The following COQ8B variants were observed in gnomAD, a reference collection of about 807,000 sequenced individuals.
The protein encoded by COQ8B is atypical kinase COQ8B, mitochondrial.
COQ8B carries 44 observed loss-of-function variants against 62.0 expected under a neutral mutation model. The ratio of observed to expected loss-of-function variants is 0.71; its 90% CI spans 0.56 to 0.91. The LOEUF is 0.91. Ranked by LOEUF, COQ8B falls within the 40% of genes least tolerant of loss-of-function variation. The pLI, the probability that COQ8B is intolerant of heterozygous loss-of-function variation, is 0.00. For missense variants in COQ8B, 649 were observed against 731.6 expected (o/e 0.89, Z 1.30); for synonymous variants, 252 against 289.9 (o/e 0.87, Z 1.33).
chr19:40,695,797 G>C (rs1309582137), intron 13 of COQ8B, among the ~76,000 whole-genome samples, 192 bp downstream of exon 13: 1 of 152,172 alleles, frequency 6.6e-6, no homozygotes, highest in Non-Finnish European at 1.5e-5. Flanking sequence ...GGTTTATATC[G>C]GTTCCTATAC....
At chr19:40,698,103 C>G (rs1335339667) in intron 12 of COQ8B, among the ~76,000 whole-genome samples, 1 of 150,906 alleles carries the variant, frequency 6.6e-6, no homozygotes, top group East Asian at 2.0e-4. Context: ...GTAATCCCAG[C>G]TACTTGGGAG....
chr19:40,692,869 G>A (rs971989066), intron 14 of COQ8B, 82 bp downstream of exon 14: 14 of 1,243,860 alleles, frequency 1.1e-5, no homozygotes, highest in Middle Eastern at 1.9e-4. Context: ...TCACCTACTC[G>A]AGTTCCTCAG....
Position 40,703,563 on chromosome 19 carries a change from C to A in COQ8B, c.777G>T (p.Lys259Asn). The change falls in exon 9 of 15, where the codon AAG (lysine) becomes AAT (asparagine). Residue 259 changes from lysine (K) to asparagine (N), a missense_variant. Transcript: ENST00000324464. ...SDVQNLLAVLKMSAALPAGLF... is the reference protein window; with the variant it reads ...SDVQNLLAVLNMSAALPAGLF... ...CACCCGCGGGCAGGGCCGCGCTCATCTTGAGTACCGCCAGCAGGTTCTGGA... is the reference window on the plus strand; with the variant it reads ...CACCCGCGGGCAGGGCCGCGCTCATATTGAGTACCGCCAGCAGGTTCTGGA... 1 of 1,609,082 alleles carries A rather than the reference C, an allele frequency of 6.2e-7. No homozygotes were observed. The highest frequency in any genetic ancestry group is 8.5e-7 in the Non-Finnish European group (1 of 1,176,676).
intron 5 of COQ8B, among the ~76,000 whole-genome samples, chr19:40,709,831 G>A (rs763466099): frequency 6.6e-6 from 1 of 151,872 alleles, no homozygotes; most frequent in Non-Finnish European, 1.5e-5. Context: ...GACAGAGTGA[G>A]ACTCCATCTC....
intron 13 of COQ8B, among the ~76,000 whole-genome samples, chr19:40,695,654 C>T (rs2082009046): frequency 6.6e-6 from 1 of 152,094 alleles, no homozygotes; most frequent in Non-Finnish European, 1.5e-5. Context: ...GGGCTCTGGA[C>T]CTGGACCACC....
intron 14 of COQ8B, 58 bp downstream of exon 14, chr19:40,692,893 C>G (rs1306860655): frequency 6.7e-7 from 1 of 1,487,488 alleles, no homozygotes; most frequent in Non-Finnish European, 9.3e-7. Context: ...AGATAAGCAG[C>G]CCCCCACTGC....
Position 40,702,693 on chromosome 19 carries a change from C to G in COQ8B, c.800G>C (p.Gly267Ala), listed in dbSNP as rs770572441. 1.2e-6 allele frequency: 2 copies of G among 1,607,266 alleles called. No individual in the cohort carries two copies. The stretch of plus-strand genomic sequence containing the variant: ...CTGCAGGCTCTGCTCGGCAAACAGG[C>G]CTGTGGGGGAGGTGTGTCAGCCAGG... ...VLKMSAALPA[G>A]LFAEQSLQAL... The change falls in exon 10 of 15, where the codon GGC (glycine) becomes GCC (alanine). Residue 267 changes from glycine to alanine, a missense_variant and splice_region_variant. By Grantham distance (60) the Gly-to-Ala change is moderately conservative. Transcript: ENST00000324464.
intron 13 of COQ8B, among the ~76,000 whole-genome samples, chr19:40,694,749 G>A (rs1229592097): frequency 2.0e-5 from 3 of 152,112 alleles, no homozygotes; most frequent in South Asian, 2.1e-4. Context: ...AATACCCTCC[G>A]AGCCTTTTCC....
At chr19:40,697,384 G>C (rs894178497) in intron 12 of COQ8B, among the ~76,000 whole-genome samples, 1 of 152,146 alleles carries the variant, frequency 6.6e-6, no homozygotes, top group Non-Finnish European at 1.5e-5. Context: ...AAAGTGCAGA[G>C]ATTACATTAG....
At chr19:40,715,621 ACT>A (rs774778956) in intron 1 of COQ8B, 68 of 983,970 alleles carry the variant, frequency 6.9e-5, no homozygotes, top group Non-Finnish European at 7.8e-5. Flanking sequence ...CACGCCTTCA[ACT>A]CTCTCGTGTA....
At chr19:40,716,085 G>A (rs1287005163) in intron 1 of COQ8B, 1 of 152,242 alleles carries the variant, frequency 6.6e-6, no homozygotes, top group Non-Finnish European at 1.5e-5. Context: ...CCTCAGAAAA[G>A]CCCTCATCCC....
intron 13 of COQ8B, among the ~76,000 whole-genome samples, chr19:40,694,085 T>C (rs2081994890): frequency 6.6e-6 from 1 of 152,146 alleles, no homozygotes; most frequent in East Asian, 1.9e-4. Context: ...CTCAGCTTTG[T>C]GCCTCAGTGG....
rs1466346539 is a variant in COQ8B at position 40,705,081 on chromosome 19, C to G, written c.576+15G>C. 2.5e-6 allele frequency: 4 copies of G among 1,594,640 alleles called. No homozygotes were observed. The highest frequency in any genetic ancestry group is 1.1e-5 in the South Asian group (1 of 88,208). The stretch of plus-strand genomic sequence containing the variant: ...AGCCTGCCTCCCTCACCGCCCTCCC[C>G]CACTGGGCACTCACCAGCATCTGCC... On this transcript the variant is annotated intron_variant, in intron 7 of 14. Transcript: ENST00000324464.
At chr19:40,706,180 G>C (rs537301730) in intron 5 of COQ8B, among the ~76,000 whole-genome samples, 2 of 152,128 alleles carry the variant, frequency 1.3e-5, no homozygotes, top group Non-Finnish European at 2.9e-5. Flanking sequence ...CCAAGACAGA[G>C]GTCACCCTTG....
intron 5 of COQ8B, among the ~76,000 whole-genome samples, chr19:40,707,680 C>G (rs1433216864): frequency 6.6e-6 from 1 of 152,180 alleles, no homozygotes; most frequent in Non-Finnish European, 1.5e-5. Flanking sequence ...GTCTTGAACT[C>G]CTCACCTCAG....
chr19:40,715,300 G>C, intron 1 of COQ8B: 1 of 986,036 alleles, frequency 1.0e-6, no homozygotes, highest in Non-Finnish European at 1.2e-6. Flanking sequence ...GAGCGCAAGC[G>C]TGCCCTGTCT....
intron 2 of COQ8B, 37 bp from the exon 3 acceptor site, chr19:40,714,434 T>C (rs1287277765): frequency 7.4e-6 from 12 of 1,612,518 alleles, no homozygotes; most frequent in Non-Finnish European, 9.3e-6. Context: ...GGGGAGGACA[T>C]GGGATCACCT....
intron 7 of COQ8B, chr19:40,704,343 G>C (rs373310479): frequency 6.5e-6 from 1 of 154,522 alleles, no homozygotes; most frequent in East Asian, 1.9e-4. Context: ...TAGAGACAAG[G>C]TCTCACTATG....
chr19:40,707,260 C>T (rs1397853014), intron 5 of COQ8B, among the ~76,000 whole-genome samples: 4 of 151,352 alleles, frequency 2.6e-5, no homozygotes, highest in East Asian at 1.9e-4. Context: ...CAGAGTGAGA[C>T]CTTGTCTCAA....
Sources: gnomAD v4.1 joint callset for allele counts (sites outside exome capture counted in the v4.1 genomes callset) on GRCh38, gnomAD v4.1.1 for gene constraint, MANE v1.5 for transcripts, NCBI Gene and HGNC (gene_info 2026-07-23, HGNC 2026-07-21) for gene names.